TRAPPC12: variants seen among roughly 807,000 people sequenced by gnomAD.
TRAPPC12 encodes TPR repeat protein 15.
Under a neutral mutation model 69.2 loss-of-function variants are expected in TRAPPC12, and 61 were observed. The observed-to-expected ratio is 0.88, with a 90% confidence interval of 0.72 to 1.09. The LOEUF (loss-of-function observed/expected upper bound fraction) is 1.09. Among genes scored for constraint, TRAPPC12 ranks in the 50% least tolerant of loss-of-function variants. TRAPPC12 has a pLI of 0.00. For missense variants in TRAPPC12, 1,101 were observed against 1,016.4 expected (o/e 1.08, Z -1.13); for synonymous variants, 469 against 438.9 (o/e 1.07, Z -0.86).
chr2:3,419,326 T>C (rs989117612), intron 3 of TRAPPC12, among the ~76,000 whole-genome samples: 8 of 152,246 alleles, frequency 5.3e-5, no homozygotes, highest in Admixed American at 5.2e-4. Context: ...CTTTCACATT[T>C]GCAATTCAAA....
At chr2:3,398,305 C>G (rs1045453067) in intron 2 of TRAPPC12, among the ~76,000 whole-genome samples, 1 of 152,114 alleles carries the variant, frequency 6.6e-6, no homozygotes, top group African/African-American at 2.4e-5. Flanking sequence ...AATGGCTATT[C>G]CATGTTGACT....
intron 10 of TRAPPC12, 170 bp from the exon 11 acceptor site, chr2:3,478,676 G>A (rs937633431): frequency 2.5e-5 from 15 of 595,468 alleles, no homozygotes; most frequent in East Asian, 8.3e-5. Flanking sequence ...TTTAATGTGC[G>A]AGCCTGAATG....
intron 2 of TRAPPC12, among the ~76,000 whole-genome samples, chr2:3,391,055 TATG>T (rs1384906723): frequency 6.6e-6 from 1 of 152,212 alleles, no homozygotes; most frequent in Non-Finnish European, 1.5e-5. Context: ...GCATGCATAG[TATG>T]ATAAAATTTT....
chr2:3,465,539 T>C, intron 8 of TRAPPC12, 58 bp from the exon 9 acceptor site: 1 of 1,191,154 alleles, frequency 8.4e-7, no homozygotes, highest in Non-Finnish European at 1.3e-6. Context: ...CTTCTACACG[T>C]GTGAAACCCA....
chr2:3,400,001 G>A (rs942948855), intron 2 of TRAPPC12, among the ~76,000 whole-genome samples: 2 of 152,204 alleles, frequency 1.3e-5, no homozygotes, highest in Non-Finnish European at 2.9e-5. Flanking sequence ...GTGCTGAGAT[G>A]GAGAGATCTT....
At chr2:3,464,596 G>A (rs1347352094) in intron 8 of TRAPPC12, among the ~76,000 whole-genome samples, 3 of 152,234 alleles carry the variant, frequency 2.0e-5, no homozygotes, top group Non-Finnish European at 4.4e-5. Context: ...AGCTAAGTGC[G>A]AGAATGCAGG....
intron 3 of TRAPPC12, among the ~76,000 whole-genome samples, chr2:3,411,616 T>C (rs987736426): frequency 6.6e-6 from 1 of 152,254 alleles, no homozygotes; most frequent in Non-Finnish European, 1.5e-5. Flanking sequence ...AAAATTCATA[T>C]GCTTCTATCA....
In TRAPPC12 at chr2:3,426,674, C is replaced by T. The variant is rs139373302; in HGVS notation, c.1417+2011C>T. On this transcript the variant is annotated intron_variant, in intron 5 of 11. Transcript: ENST00000324266. ...GGGTTGGATAAAGATGTCTTTACCTCTTCCCTGGGGTATTTCTTCTCCTGC... is the reference window on the plus strand; with the variant it reads ...GGGTTGGATAAAGATGTCTTTACCTTTTCCCTGGGGTATTTCTTCTCCTGC... Among the ~76,000 whole-genome samples, 136 of 152,318 alleles carry T rather than the reference C, an allele frequency of 8.9e-4. 1 individual carries two copies. The highest frequency in any genetic ancestry group is 3.2e-3 in the African/African-American group (132 of 41,576).
intron 3 of TRAPPC12, among the ~76,000 whole-genome samples, chr2:3,421,257 C>T (rs1170934955): frequency 3.3e-5 from 5 of 152,200 alleles, no homozygotes; most frequent in Non-Finnish European, 5.9e-5. Context: ...AGAGTCTGTA[C>T]GAATCAGCCA....
chr2:3,410,822 G>A (rs1048097557), intron 3 of TRAPPC12, among the ~76,000 whole-genome samples: 5 of 152,146 alleles, frequency 3.3e-5, no homozygotes, highest in African/African-American at 1.2e-4. Context: ...ACGAGGTCAA[G>A]AGATCAAGAC....
chr2:3,465,127 C>T (rs1029003070), intron 8 of TRAPPC12, among the ~76,000 whole-genome samples: 4 of 152,250 alleles, frequency 2.6e-5, no homozygotes, highest in Admixed American at 6.5e-5. Context: ...TTTTTCTTTA[C>T]ATGTAAAGGT....
intron 3 of TRAPPC12, among the ~76,000 whole-genome samples, chr2:3,420,132 G>GAT (rs137948333): frequency 9.0e-4 from 137 of 152,264 alleles, no homozygotes; most frequent in African/African-American, 3.2e-3. Flanking sequence ...GGGGTCCTTC[G>GAT]ATAGGTCAGT....
At chr2:3,403,728 G>A (rs185242617) in intron 3 of TRAPPC12, among the ~76,000 whole-genome samples, 1 of 152,270 alleles carries the variant, frequency 6.6e-6, no homozygotes, top group East Asian at 1.9e-4. Flanking sequence ...AGAGGCAACT[G>A]TCTTTTGTGT....
At chr2:3,477,887 C>G (rs753690094) in intron 10 of TRAPPC12, 92 bp downstream of exon 10, 8 of 769,872 alleles carry the variant, frequency 1.0e-5, no homozygotes, top group Non-Finnish European at 1.6e-5. Flanking sequence ...CTAGAGAAGG[C>G]GCTTCTCCCT....
chr2:3,465,793 G>T, intron 9 of TRAPPC12, 98 bp downstream of exon 9: 1 of 848,734 alleles, frequency 1.2e-6, no homozygotes, highest in South Asian at 1.4e-5. Flanking sequence ...ATATAAGAAA[G>T]ACTGCAGAAA....
rs773590210 is a variant in TRAPPC12, at chr2:3,387,812, C to T, written c.189C>T (p.Asn63=). 1 of 1,613,386 alleles carries T rather than the reference C, an allele frequency of 6.2e-7. No individual in the cohort carries two copies. The highest frequency in any genetic ancestry group is 8.5e-7 in the Non-Finnish European group (1 of 1,179,570). The change falls in exon 2 of 12, where the codon AAC becomes AAT. Residue 63 remains asparagine, a synonymous_variant. Coordinates refer to ENST00000324266, the MANE Select transcript of TRAPPC12 (RefSeq NM_016030.6). The part of the protein sequence containing the change: ...EGSSPLADKL[N]EHMMESVLIS... The stretch of plus-strand genomic sequence containing the variant: ...CGAGTCCTCTCGCGGACAAGCTGAA[C>T]GAACACATGATGGAGAGCGTCCTCA...
At chr2:3,406,210 T>G (rs1381019504) in intron 3 of TRAPPC12, among the ~76,000 whole-genome samples, 5 of 152,326 alleles carry the variant, frequency 3.3e-5, no homozygotes, top group Non-Finnish European at 5.9e-5. Context: ...CACACAGGTC[T>G]GTACTCATTA....
At chr2:3,444,615 A>G (rs978051801) in intron 6 of TRAPPC12, among the ~76,000 whole-genome samples, 1 of 152,246 alleles carries the variant, frequency 6.6e-6, no homozygotes, top group African/African-American at 2.4e-5. Flanking sequence ...TACAACAACA[A>G]GCAGTTATTA....
At chr2:3,463,106 C>A in intron 8 of TRAPPC12, 1 of 387,820 alleles carries the variant, frequency 2.6e-6, no homozygotes, top group Non-Finnish European at 5.4e-6. Flanking sequence ...AAGCCAAATC[C>A]ACAGGATCTG....
Sources: allele counts gnomAD v4.1 joint callset (sites outside exome capture counted in the v4.1 genomes callset), GRCh38; gene constraint gnomAD v4.1.1; transcripts MANE v1.5; gene names NCBI Gene and HGNC (gene_info 2026-07-23, HGNC 2026-07-21).